ADAM22: variants seen among roughly 807,000 people sequenced by gnomAD.
ADAM22 encodes the protein disintegrin and metalloproteinase domain-containing protein 22.
A neutral mutation model predicts 144.6 loss-of-function variants in ADAM22; 65 were observed. The ratio of observed to expected loss-of-function variants is 0.45; its 90% CI spans 0.37 to 0.55. The LOEUF (loss-of-function observed/expected upper bound fraction) is 0.55, where lower values mean the gene tolerates loss of function less well. Among genes scored for constraint, ADAM22 ranks in the 20% least tolerant of loss-of-function variants. The pLI, the probability that ADAM22 is intolerant of heterozygous loss-of-function variation, is 0.00. For missense variants in ADAM22, 974 were observed against 1,184.9 expected, an observed-to-expected ratio of 0.82 and a Z score of 2.61; for synonymous variants, 391 against 412.6, an observed-to-expected ratio of 0.95 and a Z score of 0.63.
chr7:87,937,732 GAGA>G (rs1841572896), intron 2 of ADAM22, among the ~76,000 whole-genome samples: 1 of 152,214 alleles, frequency 6.6e-6, no homozygotes, highest in South Asian at 2.1e-4. Flanking sequence ...CATCACAATA[GAGA>G]AGAATGACTG....
At chr7:87,965,234 CAT>C (rs1275420912) in intron 2 of ADAM22, among the ~76,000 whole-genome samples, 2 of 152,220 alleles carry the variant, frequency 1.3e-5, no homozygotes, top group Non-Finnish European at 2.9e-5. Context: ...ACAGTCAAGT[CAT>C]AGGTGAAAAC....
At chr7:88,050,884 T>C (rs1806131520) in intron 3 of ADAM22, among the ~76,000 whole-genome samples, 1 of 152,250 alleles carries the variant, frequency 6.6e-6, no homozygotes, top group South Asian at 2.1e-4. Context: ...TTTGTCAATT[T>C]TGGCTTTTGT....
chr7:88,064,302 T>G (rs573285234), intron 3 of ADAM22, among the ~76,000 whole-genome samples: 97 of 152,174 alleles, frequency 6.4e-4, no homozygotes, highest in Non-Finnish European at 1.3e-3. Flanking sequence ...TTGGGTTTAG[T>G]GGTCCAGAGA....
chr7:88,114,756 T>G, intron 6 of ADAM22, 109 bp downstream of exon 6: 4 of 1,017,994 alleles, frequency 3.9e-6, no homozygotes, highest in Non-Finnish European at 5.8e-6. Flanking sequence ...TTTTTAGGGT[T>G]AAGATAGTAA....
At chr7:88,131,091 G>A (rs1831656403) in intron 10 of ADAM22, among the ~76,000 whole-genome samples, 178 bp from the exon 11 acceptor site, 1 of 152,062 alleles carries the variant, frequency 6.6e-6, no homozygotes, top group African/African-American at 2.4e-5. Flanking sequence ...TGTTCTTTGG[G>A]TATTGGTCAA....
intron 3 of ADAM22, among the ~76,000 whole-genome samples, chr7:88,015,606 C>T (rs891042924): frequency 1.3e-5 from 2 of 152,184 alleles, no homozygotes; most frequent in African/African-American, 4.8e-5. Flanking sequence ...CCAAACATCA[C>T]ATTTTATCTT....
intron 2 of ADAM22, among the ~76,000 whole-genome samples, chr7:87,960,375 G>GGTGTGT (rs71120011): frequency 1.4e-3 from 205 of 149,356 alleles, no homozygotes; most frequent in Middle Eastern, 3.5e-3. Flanking sequence ...GTGGTAGTGG[G>GGTGTGT]GTGTGTGTGT....
intron 3 of ADAM22, among the ~76,000 whole-genome samples, chr7:88,062,515 ATCT>A (rs1810167120): frequency 6.6e-6 from 1 of 152,230 alleles, no homozygotes; most frequent in Admixed American, 6.5e-5. Flanking sequence ...GGCTGGTTTG[ATCT>A]TCTATCTAGA....
intron 8 of ADAM22, 85 bp from the exon 9 acceptor site, chr7:88,128,517 T>G: frequency 9.1e-7 from 1 of 1,098,456 alleles, no homozygotes; most frequent in South Asian, 1.3e-5. Context: ...AAATTTTGTT[T>G]TGTCAGTTTC....
At position 88,011,266 on chromosome 7, in the gene ADAM22, A is replaced by C. The variant is rs116707534; in HGVS notation, c.323+32854A>C. Among the ~76,000 whole-genome samples the C allele has an allele frequency of 1.7e-3, 261 of 152,318 alleles. 2 individuals are homozygous for C. The highest frequency in any genetic ancestry group is 6.1e-3 in the African/African-American group (254 of 41,576). ...TTAAGACAATTGATATTGAACATTG[A>C]AATTAAAAACACTGCCTGTAATCCC... On this transcript the variant is annotated intron_variant, in intron 3 of 31. Transcript: ENST00000413139.
intron 3 of ADAM22, among the ~76,000 whole-genome samples, chr7:88,053,878 C>G (rs188205092): frequency 1.0e-3 from 154 of 152,218 alleles, no homozygotes; most frequent in African/African-American, 3.5e-3. Context: ...TGCCTGTAAT[C>G]GCAGCACTTT....
In ADAM22 at chr7:88,029,761, G is replaced by GT. The variant is rs559222050; in HGVS notation, c.324-45855dup. Reference sequence around the variant, plus strand: ...CTGGATATACTATTCTGGGGTAAAAGTTTTTTTTTTCTTTCAGAGTTTTAA... The same window carrying GT: ...CTGGATATACTATTCTGGGGTAAAAGTTTTTTTTTTTCTTTCAGAGTTTTAA... On this transcript the variant is annotated intron_variant, in intron 3 of 31. Transcript: ENST00000413139. Among the ~76,000 whole-genome samples, 1,256 of 149,264 alleles carry GT rather than the reference G, an allele frequency of 8.4e-3. 7 individuals carry two copies. The highest frequency in any genetic ancestry group is 0.038 in the Middle Eastern group (11 of 292).
intron 3 of ADAM22, among the ~76,000 whole-genome samples, chr7:88,069,340 C>T (rs1221726526): frequency 6.6e-6 from 1 of 152,134 alleles, no homozygotes. Flanking sequence ...TATTGGACTT[C>T]CCAGCCTCTG....
intron 3 of ADAM22, among the ~76,000 whole-genome samples, chr7:87,999,309 T>G (rs191254432): frequency 6.6e-6 from 1 of 152,342 alleles, no homozygotes; most frequent in East Asian, 1.9e-4. Flanking sequence ...ATTCACCTTA[T>G]ACACAATCAC....
intron 4 of ADAM22, among the ~76,000 whole-genome samples, chr7:88,105,017 C>T (rs1034227310): frequency 9.2e-5 from 14 of 152,222 alleles, no homozygotes; most frequent in African/African-American, 2.9e-4. Flanking sequence ...TAACTCTCCC[C>T]AATATAATGG....
chr7:88,142,434 A>G (rs1417750185), intron 14 of ADAM22, among the ~76,000 whole-genome samples: 1 of 152,222 alleles, frequency 6.6e-6, no homozygotes, highest in Non-Finnish European at 1.5e-5. Context: ...TATTTAGGGA[A>G]GACTCATTAT....
At chr7:88,102,417 A>G (rs1236608753) in intron 4 of ADAM22, among the ~76,000 whole-genome samples, 1 of 152,154 alleles carries the variant, frequency 6.6e-6, no homozygotes, top group Non-Finnish European at 1.5e-5. Context: ...TTTCTCTTGT[A>G]CAAGGGTTCT....
chr7:88,113,899 A>G (rs1180495181), intron 5 of ADAM22, among the ~76,000 whole-genome samples: 3 of 150,716 alleles, frequency 2.0e-5, no homozygotes, highest in African/African-American at 7.3e-5. Context: ...GCAGGTTGCA[A>G]ATGGGCAGTT....
rs146724224 is a variant in ADAM22, at chr7:87,998,413, C to G, written c.323+20001C>G. ...GATTTATCTATTTATTTTTTTGAGA[C>G]AGGGTCTTGCTCTGTTGCTCAAGGT... On this transcript the variant is annotated intron_variant, in intron 3 of 31. Transcript: ENST00000413139. Among the ~76,000 whole-genome samples the G allele has an allele frequency of 2.3e-3, 346 of 152,180 alleles. 2 individuals carry two copies. Among genetic ancestry groups the G allele is most frequent in the African/African-American group, 7.8e-3 (323 of 41,550 alleles).
Sources: gnomAD v4.1 joint callset for allele counts (sites outside exome capture counted in the v4.1 genomes callset) on GRCh38, gnomAD v4.1.1 for gene constraint, MANE v1.5 for transcripts, NCBI Gene and HGNC (gene_info 2026-07-23, HGNC 2026-07-21) for gene names.